UGT1A10: variants seen among roughly 807,000 people sequenced by gnomAD.
UGT1A10 encodes the protein UDP glucuronosyltransferase family 1 member A10.
Under a neutral mutation model 45.8 loss-of-function variants are expected in UGT1A10, and 49 were observed. The ratio of observed to expected loss-of-function variants is 1.07; its 90% CI spans 0.85 to 1.36. The LOEUF (loss-of-function observed/expected upper bound fraction) is 1.36. UGT1A10 is among the 40% of genes most tolerant of loss of function. UGT1A10 has a pLI of 0.00. For synonymous variants in UGT1A10, 284 were observed against 249.7 expected, an observed-to-expected ratio of 1.14 and a Z score of -1.29; for missense variants, 745 against 668.6, an observed-to-expected ratio of 1.11 and a Z score of -1.26.
chr2:233,700,469 A>G (rs997170910), intron 1 of UGT1A10, among the ~76,000 whole-genome samples: 5 of 152,226 alleles, frequency 3.3e-5, no homozygotes, highest in Admixed American at 3.3e-4. Context: ...AGCTAAAAAA[A>G]GTATTCAACA....
intron 1 of UGT1A10, among the ~76,000 whole-genome samples, chr2:233,742,171 A>G (rs758194375): frequency 2.0e-5 from 3 of 151,946 alleles, no homozygotes; most frequent in Non-Finnish European, 2.9e-5. Context: ...CACACACAGA[A>G]ATATAGAGTG....
chr2:233,727,949 G>C (rs1469801849), intron 1 of UGT1A10, among the ~76,000 whole-genome samples: 1 of 152,198 alleles, frequency 6.6e-6, no homozygotes, highest in African/African-American at 2.4e-5. Flanking sequence ...CAGACAGCCT[G>C]CCCACATCAT....
intron 1 of UGT1A10, among the ~76,000 whole-genome samples, chr2:233,725,654 C>T (rs918402674): frequency 3.9e-4 from 59 of 152,204 alleles, no homozygotes; most frequent in African/African-American, 1.3e-3. Context: ...TACAGCATAT[C>T]TCAATTTGGA....
At chr2:233,644,570 G>GAATA (rs142251670) in intron 1 of UGT1A10, among the ~76,000 whole-genome samples, 18,621 of 151,136 alleles carry the variant, frequency 0.12, 1,232 homozygotes, top group Non-Finnish European at 0.16. Context: ...CAAAAAATAA[G>GAATA]AATAAATAAA....
intron 1 of UGT1A10, among the ~76,000 whole-genome samples, chr2:233,658,076 T>C (rs1209806114): frequency 1.3e-5 from 2 of 149,908 alleles, no homozygotes; most frequent in African/African-American, 4.9e-5. Flanking sequence ...TGGAGTGCAG[T>C]GGGGCAATCT....
At chr2:233,747,354 G>C (rs753872482) in intron 1 of UGT1A10, 1 of 1,602,508 alleles carries the variant, frequency 6.2e-7, no homozygotes, top group Non-Finnish European at 8.5e-7. Context: ...GCGGGAGGCC[G>C]TGCGGGAGCT....
At chr2:233,639,244 G>A (rs368292208) in intron 1 of UGT1A10, among the ~76,000 whole-genome samples, 1 of 152,108 alleles carries the variant, frequency 6.6e-6, no homozygotes, top group African/African-American at 2.4e-5. Flanking sequence ...ATCTATTAAA[G>A]AATATACACA....
Position 233,769,827 on chromosome 2 carries a change from C to A in UGT1A10, c.1295+1388C>A, listed in dbSNP as rs926014830. ...CCGTGATCATGCCACTGCACTCCAGCAACCTGGGCAACAGAGTGAGACCCT... is the reference window on the plus strand; with the variant it reads ...CCGTGATCATGCCACTGCACTCCAGAAACCTGGGCAACAGAGTGAGACCCT... On this transcript the variant is annotated intron_variant, in intron 4 of 4. Transcript: ENST00000344644. This position sits in a 1 kb window ranked among gnomAD's most constrained non-coding sequence, Gnocchi z 4.4. 26 of 649,106 alleles carry A rather than the reference C, an allele frequency of 4.0e-5. No individual in the cohort carries two copies. The highest frequency in any genetic ancestry group is 5.2e-5 in the Non-Finnish European group (23 of 440,480). 40.2% of individuals were successfully genotyped at this position (649,106 alleles called of 1,614,324 possible). A position where few individuals can be genotyped will look rare whatever the true frequency, so the allele number is the denominator to read the frequency against.
intron 1 of UGT1A10, among the ~76,000 whole-genome samples, chr2:233,653,248 CAT>C (rs2073782373): frequency 2.0e-5 from 3 of 152,114 alleles, no homozygotes; most frequent in South Asian, 2.1e-4. Flanking sequence ...ATTTGAAAAA[CAT>C]ATAAAAACAC....
chr2:233,704,756 A>G (rs1028041408), intron 1 of UGT1A10, among the ~76,000 whole-genome samples: 2 of 152,104 alleles, frequency 1.3e-5, no homozygotes, highest in Non-Finnish European at 2.9e-5. Flanking sequence ...TTATTGTCAA[A>G]TATATTACGC....
chr2:233,679,857 T>C (rs188666653), intron 1 of UGT1A10, among the ~76,000 whole-genome samples: 4 of 152,196 alleles, frequency 2.6e-5, no homozygotes, highest in Non-Finnish European at 4.4e-5. Flanking sequence ...TTGGCATCTA[T>C]AAATAAGCCT....
chr2:233,678,848 T>C (rs1367191692), intron 1 of UGT1A10, among the ~76,000 whole-genome samples: 1 of 152,224 alleles, frequency 6.6e-6, no homozygotes. Context: ...CCCCAACATT[T>C]TGTTGCTGTA....
chr2:233,650,410 C>T (rs1322141709), intron 1 of UGT1A10, among the ~76,000 whole-genome samples: 1 of 152,190 alleles, frequency 6.6e-6, no homozygotes, highest in Admixed American at 6.5e-5. Flanking sequence ...GTAAACTGTC[C>T]TGACTGAGAT....
intron 4 of UGT1A10, 66 bp downstream of exon 4, chr2:233,768,505 A>G (rs1285600562): frequency 6.4e-7 from 1 of 1,563,990 alleles, no homozygotes; most frequent in Non-Finnish European, 8.7e-7. Flanking sequence ...TTCAAATATG[A>G]AAACATTTAC....
At position 233,772,473 on chromosome 2, in the gene UGT1A10, A is replaced by G. The variant is rs1575871447; in HGVS notation, c.1507A>G (p.Thr503Ala). ...CGTCGTGCTGACAGTGGCCTTCATC[A>G]CCTTTAAATGTTGTGCTTATGGCTA... ...LAVVLTVAFITFKCCAYGYRK... is the reference protein window; with the variant it reads ...LAVVLTVAFIAFKCCAYGYRK... The change falls in exon 5 of 5, where the codon ACC (threonine) becomes GCC (alanine). Residue 503 changes from threonine to alanine, a missense_variant. Coordinates refer to ENST00000344644, the MANE Select transcript of UGT1A10 (RefSeq NM_019075.4). 1.2e-6 allele frequency: 2 copies of G among 1,614,044 alleles called. No homozygotes were observed. The highest frequency in any genetic ancestry group is 1.7e-6 in the Non-Finnish European group (2 of 1,180,014).
chr2:233,772,614 C>A lies in UGT1A10; in HGVS notation c.*55C>A, dbSNP rs1700539224. On this transcript the variant is annotated 3_prime_UTR_variant, in exon 5 of 5. Transcript: ENST00000344644. ...GAACCATTCCCTAGTCATTTCCAAA[C>A]TTGAAAACAGAATCAGTGTTAAATT... The A allele has an allele frequency of 3.2e-6, 5 of 1,575,710 alleles. No homozygotes were observed. The highest frequency in any genetic ancestry group is 4.3e-6 in the Non-Finnish European group (5 of 1,159,842).
At chr2:233,681,569 T>C (rs1372123824) in intron 1 of UGT1A10, among the ~76,000 whole-genome samples, 1 of 152,046 alleles carries the variant, frequency 6.6e-6, no homozygotes, top group Non-Finnish European at 1.5e-5. Context: ...AAATTTTTCT[T>C]TGTGACAAAT....
intron 1 of UGT1A10, among the ~76,000 whole-genome samples, chr2:233,715,085 C>T (rs2076431603): frequency 6.6e-6 from 1 of 152,050 alleles, no homozygotes; most frequent in Non-Finnish European, 1.5e-5. Context: ...GGAGTTTCAT[C>T]ATATTGGCCA....
chr2:233,684,056 T>C (rs944145699), intron 1 of UGT1A10, among the ~76,000 whole-genome samples: 3 of 152,204 alleles, frequency 2.0e-5, no homozygotes, highest in African/African-American at 7.2e-5. Flanking sequence ...ACACCTGGTG[T>C]CTGATCTAAG....
Sources: gnomAD v4.1 joint callset for allele counts (sites outside exome capture counted in the v4.1 genomes callset) on GRCh38, gnomAD v4.1.1 for gene constraint, Gnocchi (gnomAD v3.1) non-coding constraint, MANE v1.5 for transcripts, NCBI Gene and HGNC (gene_info 2026-07-23, HGNC 2026-07-21) for gene names.